Variants in SRFBP1 observed in about 807,000 individuals in gnomAD.
SRFBP1 encodes the protein serum response factor binding protein 1, also known as serum response factor-binding protein 1.
A neutral mutation model predicts 45.5 loss-of-function variants in SRFBP1; 47 were observed. That is an observed-to-expected ratio of 1.03 (90% CI 0.82 to 1.32). SRFBP1 has a LOEUF of 1.32. SRFBP1 is among the 40% of genes most tolerant of loss of function. The pLI, the probability that SRFBP1 is intolerant of heterozygous loss-of-function variation, is 0.00. For missense variants in SRFBP1, 621 were observed against 484.6 expected, an observed-to-expected ratio of 1.28 and a Z score of -2.64; for synonymous variants, 203 against 166.3, an observed-to-expected ratio of 1.22 and a Z score of -1.70.
chr5:122,053,081 G>C (rs1451859017), intron 2 of SRFBP1, among the ~76,000 whole-genome samples: 1 of 152,142 alleles, frequency 6.6e-6, no homozygotes, highest in Non-Finnish European at 1.5e-5. Flanking sequence ...CCATGGGGCT[G>C]CTTAGGCAGG....
In SRFBP1 at chr5:122,051,883, C is replaced by G. The variant is rs147719760; in HGVS notation, n.312-23432C>G. 1.0e-3 allele frequency among the ~76,000 whole-genome samples: 152 copies of G among 152,188 alleles called. 1 individual carries two copies. The highest frequency in any genetic ancestry group is 3.6e-3 in the African/African-American group (150 of 41,528). ...ATACTTAAGTGTGATTTTGTAGTAG[C>G]TGGTAACAGTCCTTTCCGTATCGAG... is the stretch of plus-strand genomic sequence containing the variant. On this transcript the variant is annotated intron_variant and non_coding_transcript_variant, in intron 2 of 2. Coordinates refer to the SRFBP1 transcript ENST00000504881.
chr5:122,013,279 C>G (rs1753131948), intron 4 of SRFBP1, among the ~76,000 whole-genome samples: 2 of 152,006 alleles, frequency 1.3e-5, no homozygotes, highest in African/African-American at 4.8e-5. Flanking sequence ...AGTTCATTCT[C>G]TAAGATGTTT....
At chr5:122,058,858 G>A (rs1348060743) in intron 2 of SRFBP1, among the ~76,000 whole-genome samples, 7 of 152,106 alleles carry the variant, frequency 4.6e-5, no homozygotes, top group African/African-American at 1.4e-4. Context: ...TCAGTGAAAT[G>A]AGCATTATTT....
intron 3 of SRFBP1, among the ~76,000 whole-genome samples, chr5:121,992,216 G>A (rs1195540887): frequency 3.3e-5 from 5 of 152,010 alleles, no homozygotes; most frequent in African/African-American, 9.7e-5. Flanking sequence ...CTCTCTGTAG[G>A]CTCTAGGGGA....
chr5:122,037,256 T>C (rs1301816552), intron 2 of SRFBP1, among the ~76,000 whole-genome samples: 3 of 152,112 alleles, frequency 2.0e-5, no homozygotes, highest in Non-Finnish European at 4.4e-5. Flanking sequence ...CCCAACCCAA[T>C]GGGGAAACTG....
At chr5:121,967,057 T>C (rs2112811172) in intron 1 of SRFBP1, among the ~76,000 whole-genome samples, 1 of 150,408 alleles carries the variant, frequency 6.6e-6, no homozygotes, top group South Asian at 2.1e-4. Context: ...CCTCCCAGAG[T>C]GCTGGGATTG....
chr5:122,057,880 A>C (rs1472489497), intron 2 of SRFBP1, among the ~76,000 whole-genome samples: 2 of 151,032 alleles, frequency 1.3e-5, no homozygotes, highest in African/African-American at 4.9e-5. Flanking sequence ...GTCTTTTCAG[A>C]GTTGCCCATG....
intron 1 of SRFBP1, among the ~76,000 whole-genome samples, chr5:121,966,112 T>C (rs1022379665): frequency 1.3e-5 from 2 of 152,200 alleles, no homozygotes; most frequent in African/African-American, 4.8e-5. Context: ...TTTCTAGATA[T>C]ACAGTCATGT....
At chr5:121,984,650 C>CTT (rs1304592044) in intron 3 of SRFBP1, among the ~76,000 whole-genome samples, 1 of 151,774 alleles carries the variant, frequency 6.6e-6, no homozygotes, top group East Asian at 1.9e-4. Context: ...CCATAGTACA[C>CTT]TTTAATTTTT....
chr5:122,055,039 C>A (rs1754056197), intron 2 of SRFBP1, among the ~76,000 whole-genome samples: 1 of 152,218 alleles, frequency 6.6e-6, no homozygotes, highest in African/African-American at 2.4e-5. Context: ...TTGTTATTGT[C>A]TTAGCCTGTT....
At chr5:122,075,435 T>C (rs577637209) in exon 3 of SRFBP1, 3 of 1,613,804 alleles carry the variant, frequency 1.9e-6, no homozygotes, top group South Asian at 2.2e-5. Context: ...CAGGAATATC[T>C]TGGTCGGCTG....
downstream of SRFBP1, chr5:122,077,795 T>C (rs775925854): frequency 1.3e-6 from 2 of 1,549,460 alleles, no homozygotes; most frequent in South Asian, 2.4e-5. This position sits in a 1 kb window ranked among gnomAD's most constrained non-coding sequence, Gnocchi z 4.9. Flanking sequence ...CTGAGGCTGG[T>C]ACTGTGAGCC....
intron 4 of SRFBP1, among the ~76,000 whole-genome samples, chr5:122,008,627 ATC>A (rs1753025395): frequency 6.6e-6 from 1 of 151,892 alleles, no homozygotes; most frequent in African/African-American, 2.4e-5. Flanking sequence ...AGGTGCTGTA[ATC>A]TCTCATCTGG....
downstream of SRFBP1, chr5:122,077,964 G>C: frequency 6.8e-7 from 1 of 1,472,744 alleles, no homozygotes; most frequent in Non-Finnish European, 8.9e-7. This position sits in a 1 kb window ranked among gnomAD's most constrained non-coding sequence, Gnocchi z 4.9. Context: ...CCGAGCAGGA[G>C]CACGGTCCAG....
At chr5:122,033,463 A>G (rs1038049949), downstream of SRFBP1, among the ~76,000 whole-genome samples, 8 of 151,494 alleles carry the variant, frequency 5.3e-5, no homozygotes, top group African/African-American at 1.9e-4. Context: ...TTCATCCAAT[A>G]TCAGTATTGT....
Position 122,020,187 on chromosome 5 carries a change from C to A in SRFBP1, c.452C>A (p.Ser151Ter). Residue 151 changes from serine (S) to a stop codon, truncating the protein, a stop_gained, in exon 6 of 8, where the codon TCA (serine) becomes TAA (stop). Coordinates refer to ENST00000339397, the MANE Select transcript of SRFBP1 (RefSeq NM_152546.3). LOFTEE classifies it high-confidence loss of function. ...EDNHSENTLY[S>*]NDNGSNLQRE... ...AATCATTCTGAGAATACTTTGTATTCAAATGATAATGGAAGTAATTTACAG... is the reference window on the plus strand; with the variant it reads ...AATCATTCTGAGAATACTTTGTATTAAAATGATAATGGAAGTAATTTACAG... 1 of 1,611,742 alleles carries A rather than the reference C, an allele frequency of 6.2e-7. No homozygotes were observed. Among genetic ancestry groups the A allele is most frequent in the South Asian group, 1.1e-5 (1 of 90,240 alleles).
chr5:122,061,980 T>A (rs1170425007), intron 2 of SRFBP1, among the ~76,000 whole-genome samples: 1 of 151,796 alleles, frequency 6.6e-6, no homozygotes, highest in African/African-American at 2.4e-5. Flanking sequence ...ATCCCAGAGT[T>A]TTCCAAGCAA....
chr5:122,005,531 T>TA, intron 4 of SRFBP1, among the ~76,000 whole-genome samples: 1 of 152,182 alleles, frequency 6.6e-6, no homozygotes, highest in Non-Finnish European at 1.5e-5. Flanking sequence ...TCCTTACAGA[T>TA]AAAATAAGTC....
At chr5:121,983,636 T>G (rs1752458422) in intron 3 of SRFBP1, among the ~76,000 whole-genome samples, 1 of 151,788 alleles carries the variant, frequency 6.6e-6, no homozygotes, top group African/African-American at 2.4e-5. Flanking sequence ...TTTAAGCTTT[T>G]GTTCACTGAA....
Sources: gnomAD v4.1 joint callset for allele counts (sites outside exome capture counted in the v4.1 genomes callset) on GRCh38, gnomAD v4.1.1 for gene constraint, Gnocchi (gnomAD v3.1) non-coding constraint, MANE v1.5 for transcripts, NCBI Gene and HGNC (gene_info 2026-07-23, HGNC 2026-07-21) for gene names.